Variants in UBE2H observed in about 807,000 individuals in gnomAD.
UBE2H encodes the protein ubiquitin conjugating enzyme E2 H.
UBE2H carries 3 observed loss-of-function variants against 29.0 expected under a neutral mutation model. That is an observed-to-expected ratio of 0.10 (90% CI 0.05 to 0.27). The LOEUF is 0.27. Among genes scored for constraint, UBE2H ranks in the 10% least tolerant of loss-of-function variants. UBE2H has a pLI of 1.00. For synonymous variants in UBE2H, 69 were observed against 82.9 expected (o/e 0.83, Z 0.91); for missense variants, 68 against 228.2 (o/e 0.30, Z 4.52).
At chr7:129,910,442 T>C (rs904232637) in intron 1 of UBE2H, among the ~76,000 whole-genome samples, 2 of 152,100 alleles carry the variant, frequency 1.3e-5, no homozygotes, top group Non-Finnish European at 2.9e-5. Context: ...CAGCACAGCA[T>C]TGTATCTTTG....
chr7:129,865,763 C>T (rs540811482), intron 3 of UBE2H, among the ~76,000 whole-genome samples: 1 of 152,348 alleles, frequency 6.6e-6, no homozygotes, highest in East Asian at 1.9e-4. Flanking sequence ...GTAGACTGTT[C>T]ACAACCAAAC....
chr7:129,900,079 G>A (rs911097449), intron 1 of UBE2H, among the ~76,000 whole-genome samples: 12 of 150,962 alleles, frequency 7.9e-5, no homozygotes, highest in Admixed American at 1.3e-4. Context: ...GCAGTGACCC[G>A]AGATCACATC....
intron 1 of UBE2H, among the ~76,000 whole-genome samples, chr7:129,942,520 A>T (rs911718804): frequency 1.3e-5 from 2 of 152,112 alleles, no homozygotes; most frequent in Non-Finnish European, 2.9e-5. Flanking sequence ...AAAGCATGAT[A>T]TCAAAGGATA....
At chr7:129,929,482 G>GA (rs1807343787) in intron 1 of UBE2H, among the ~76,000 whole-genome samples, 1 of 151,582 alleles carries the variant, frequency 6.6e-6, no homozygotes, top group Admixed American at 6.6e-5. Flanking sequence ...CACCAAGAAA[G>GA]AAAAAAGCTG....
chr7:129,918,830 C>A (rs560897171), intron 1 of UBE2H, among the ~76,000 whole-genome samples: 1 of 152,168 alleles, frequency 6.6e-6, no homozygotes, highest in African/African-American at 2.4e-5. Context: ...TGCCTGTGAT[C>A]CCAGCACTTT....
At chr7:129,918,519 A>G (rs1422446318) in intron 1 of UBE2H, among the ~76,000 whole-genome samples, 1 of 152,172 alleles carries the variant, frequency 6.6e-6, no homozygotes, top group Non-Finnish European at 1.5e-5. Flanking sequence ...CACCACACCC[A>G]GCTAATTTTT....
intron 6 of UBE2H, among the ~76,000 whole-genome samples, chr7:129,835,756 C>G (rs1805313391): frequency 6.6e-6 from 1 of 152,152 alleles, no homozygotes; most frequent in Non-Finnish European, 1.5e-5. Flanking sequence ...CCTAAAAACT[C>G]TAAGTGCATA....
At chr7:129,862,317 G>A (rs1272204607) in intron 3 of UBE2H, among the ~76,000 whole-genome samples, 3 of 152,182 alleles carry the variant, frequency 2.0e-5, no homozygotes, top group South Asian at 2.1e-4. Flanking sequence ...ATGAAGCAAC[G>A]TCTATGGCAA....
At chr7:129,842,707 A>G (rs1290281735) in intron 5 of UBE2H, among the ~76,000 whole-genome samples, 1 of 151,876 alleles carries the variant, frequency 6.6e-6, no homozygotes, top group Non-Finnish European at 1.5e-5. Flanking sequence ...GTTTGAGACC[A>G]GCTTGGCCAA....
At chr7:129,913,588 A>G (rs1364194028) in intron 1 of UBE2H, among the ~76,000 whole-genome samples, 1 of 151,136 alleles carries the variant, frequency 6.6e-6, no homozygotes, top group Non-Finnish European at 1.5e-5. Context: ...GAGCCCCTCA[A>G]TAACTCATGA....
intron 1 of UBE2H, among the ~76,000 whole-genome samples, chr7:129,942,322 TACTAAAAATAAA>T (rs1807664191): frequency 6.8e-6 from 1 of 148,046 alleles, no homozygotes; most frequent in African/African-American, 2.5e-5. Context: ...ATCACCTCTC[TACTAAAAATAAA>T]AAATTAGCCA....
intron 5 of UBE2H, among the ~76,000 whole-genome samples, chr7:129,855,918 A>T (rs1805697093): frequency 6.6e-6 from 1 of 152,156 alleles, no homozygotes; most frequent in Non-Finnish European, 1.5e-5. Context: ...AAATAATTTT[A>T]AAATTAAAAA....
chr7:129,896,244 G>A (rs555503308), intron 1 of UBE2H, among the ~76,000 whole-genome samples: 3 of 152,004 alleles, frequency 2.0e-5, no homozygotes, highest in South Asian at 2.1e-4. Context: ...GGCTGAGGCA[G>A]GAGAATCGCT....
At chr7:129,934,209 C>G (rs1410854893) in intron 1 of UBE2H, among the ~76,000 whole-genome samples, 1 of 152,160 alleles carries the variant, frequency 6.6e-6, no homozygotes, top group East Asian at 1.9e-4. Context: ...GTACTCCTAG[C>G]TACTCAGGAG....
intron 1 of UBE2H, among the ~76,000 whole-genome samples, chr7:129,917,505 G>A (rs535489474): frequency 6.3e-4 from 96 of 152,306 alleles, no homozygotes; most frequent in African/African-American, 2.0e-3. Flanking sequence ...AAAAGACCAT[G>A]AGGCTGAGAC....
At chr7:129,863,585 T>C (rs1299779511) in intron 3 of UBE2H, among the ~76,000 whole-genome samples, 1 of 152,186 alleles carries the variant, frequency 6.6e-6, no homozygotes, top group African/African-American at 2.4e-5. Flanking sequence ...TAAAGGAAAT[T>C]AATTCTGTAA....
At chr7:129,876,755 CATAAGA>C (rs1205246671) in intron 3 of UBE2H, among the ~76,000 whole-genome samples, 9 of 152,236 alleles carry the variant, frequency 5.9e-5, no homozygotes, top group South Asian at 4.1e-4. Context: ...ATAATGGCAT[CATAAGA>C]ATAAGTTCAT....
intron 3 of UBE2H, among the ~76,000 whole-genome samples, chr7:129,859,898 A>T (rs1805769454): frequency 9.8e-6 from 1 of 102,100 alleles, no homozygotes; most frequent in Admixed American, 1.0e-4. Flanking sequence ...TCTCTCTCAT[A>T]TTCATTCAGA....
At chr7:129,937,312 G>C (rs1437983921) in intron 1 of UBE2H, among the ~76,000 whole-genome samples, 2 of 152,072 alleles carry the variant, frequency 1.3e-5, no homozygotes, top group African/African-American at 4.8e-5. Context: ...CTGGGCAACA[G>C]AGTGAGACTC....
Sources: gnomAD v4.1 joint callset for allele counts (sites outside exome capture counted in the v4.1 genomes callset) on GRCh38, gnomAD v4.1.1 for gene constraint, MANE v1.5 for transcripts, NCBI Gene and HGNC (gene_info 2026-07-23, HGNC 2026-07-21) for gene names.